Variants in SENP7 observed in about 807,000 individuals in gnomAD.
SENP7 encodes the protein sentrin-specific protease 7.
SENP7 carries 64 observed loss-of-function variants against 141.2 expected under a neutral mutation model. The observed-to-expected ratio is 0.45, with a 90% CI of 0.37 to 0.56. The LOEUF (loss-of-function observed/expected upper bound fraction) is 0.56, where lower values mean the gene tolerates loss of function less well. Among genes scored for constraint, SENP7 ranks in the 20% least tolerant of loss-of-function variants. SENP7 has a pLI of 0.00. For missense variants in SENP7, 1,025 were observed against 1,212.2 expected (o/e 0.85, Z 2.29); for synonymous variants, 382 against 426.4 (o/e 0.90, Z 1.28).
At chr3:101,362,333 A>G (rs940181576) in intron 10 of SENP7, among the ~76,000 whole-genome samples, 1 of 152,220 alleles carries the variant, frequency 6.6e-6, no homozygotes, top group Non-Finnish European at 1.5e-5. Context: ...TGGTTAAGCG[A>G]CCTGCCTAAA....
At chr3:101,412,618 G>A (rs554814672) in intron 5 of SENP7, among the ~76,000 whole-genome samples, 39 of 151,992 alleles carry the variant, frequency 2.6e-4, no homozygotes, top group Non-Finnish European at 5.2e-4. Context: ...CCAAGTACCA[G>A]CAGCTAACTC....
At chr3:101,366,898 T>A in intron 8 of SENP7, 129 bp from the exon 9 acceptor site, 1 of 595,256 alleles carries the variant, frequency 1.7e-6, no homozygotes, top group Non-Finnish European at 2.9e-6. Flanking sequence ...AACTAAACAA[T>A]TATACTACAT....
intron 20 of SENP7, 81 bp from the exon 21 acceptor site, chr3:101,328,770 C>T (rs1370798511): frequency 6.4e-6 from 7 of 1,096,846 alleles, no homozygotes; most frequent in Non-Finnish European, 8.0e-6. Flanking sequence ...TAAAGTGTTT[C>T]AAACTTTGAA....
At chr3:101,401,096 C>CAA (rs36081020) in intron 5 of SENP7, among the ~76,000 whole-genome samples, 205 of 130,370 alleles carry the variant, frequency 1.6e-3, no homozygotes, top group African/African-American at 5.5e-3. Flanking sequence ...GTCCTTGTCT[C>CAA]AAAAAAAAAA....
rs1319629331 is a variant in SENP7, at chr3:101,417,763, G to A, written c.312C>T (p.Val104=). ...ERQLKVMLTN[V]LWTDLGRKFR... is the part of the protein sequence containing the mutation. ...ATTTTCGTCCTAAATCCGTCCATAGGACATTCGTCAACATAACTTTGAGTT... is the reference window on the plus strand; with the variant it reads ...ATTTTCGTCCTAAATCCGTCCATAGAACATTCGTCAACATAACTTTGAGTT... The change falls in exon 5 of 24, where the codon GTC becomes GTT. Residue 104 remains valine (V), a synonymous_variant. Coordinates refer to ENST00000394095, the MANE Select transcript of SENP7 (RefSeq NM_020654.5). The A allele has an allele frequency of 1.9e-6, 3 of 1,613,674 alleles. No homozygotes were observed. Among genetic ancestry groups the A allele is most frequent in the Non-Finnish European group, 2.5e-6 (3 of 1,179,778 alleles).
intron 12 of SENP7, among the ~76,000 whole-genome samples, chr3:101,350,266 T>C (rs1253082012): frequency 2.6e-5 from 4 of 152,124 alleles, no homozygotes; most frequent in African/African-American, 4.8e-5. Flanking sequence ...ATTTCTTCTA[T>C]GTGAAAGAAA....
intron 6 of SENP7, among the ~76,000 whole-genome samples, chr3:101,379,523 A>C (rs1327776639): frequency 6.6e-6 from 1 of 152,202 alleles, no homozygotes; most frequent in Non-Finnish European, 1.5e-5. Context: ...CAGGCAAAGT[A>C]CTTGAATAAA....
At chr3:101,511,968 C>G (rs533803123) in intron 1 of SENP7, among the ~76,000 whole-genome samples, 24 of 152,196 alleles carry the variant, frequency 1.6e-4, no homozygotes, top group African/African-American at 5.8e-4. Context: ...TACAGGCGCC[C>G]GCCACCACGC....
intron 4 of SENP7, among the ~76,000 whole-genome samples, chr3:101,453,001 A>G (rs1184415540): frequency 2.0e-5 from 3 of 152,086 alleles, no homozygotes; most frequent in African/African-American, 2.4e-5. Context: ...TCTACAATAA[A>G]CTCAAACAAA....
intron 11 of SENP7, among the ~76,000 whole-genome samples, chr3:101,354,881 C>T (rs2059698949): frequency 1.3e-5 from 2 of 152,064 alleles, no homozygotes; most frequent in South Asian, 2.1e-4. Flanking sequence ...TCTGCAACCT[C>T]GTCAGCATGT....
At chr3:101,375,100 T>A (rs527620902) in intron 6 of SENP7, among the ~76,000 whole-genome samples, 13 of 151,908 alleles carry the variant, frequency 8.6e-5, no homozygotes, top group South Asian at 6.2e-4. Flanking sequence ...AAAAAAAAAT[T>A]TTTTTTTCAT....
intron 3 of SENP7, among the ~76,000 whole-genome samples, chr3:101,482,618 G>A (rs1334814085): frequency 6.6e-6 from 1 of 152,154 alleles, no homozygotes; most frequent in Non-Finnish European, 1.5e-5. Context: ...AATTTTTAAA[G>A]AGAAAAACAT....
chr3:101,339,691 C>G (rs913755241), intron 16 of SENP7, among the ~76,000 whole-genome samples: 5 of 151,840 alleles, frequency 3.3e-5, no homozygotes. Flanking sequence ...GGACTCCAGC[C>G]TGGGTGACAA....
At chr3:101,450,066 T>C (rs2063066215) in intron 4 of SENP7, among the ~76,000 whole-genome samples, 1 of 152,108 alleles carries the variant, frequency 6.6e-6, no homozygotes, top group African/African-American at 2.4e-5. Context: ...GCAATCCTAG[T>C]CTCGGATAAA....
At chr3:101,423,820 G>A (rs1042263642) in intron 4 of SENP7, among the ~76,000 whole-genome samples, 14 of 152,168 alleles carry the variant, frequency 9.2e-5, no homozygotes, top group East Asian at 1.9e-4. Flanking sequence ...AACTGGCAAG[G>A]GGCAATCCAC....
chr3:101,463,379 A>ATATATG (rs1553744707), intron 3 of SENP7, among the ~76,000 whole-genome samples: 23 of 79,406 alleles, frequency 2.9e-4, no homozygotes, highest in Admixed American at 1.0e-3. Context: ...ATATATATAT[A>ATATATG]TATATATATA....
chr3:101,444,317 T>G (rs1451156999), intron 4 of SENP7, among the ~76,000 whole-genome samples: 1 of 151,566 alleles, frequency 6.6e-6, no homozygotes, highest in Non-Finnish European at 1.5e-5. Flanking sequence ...GTTCAACCAC[T>G]GTGGAAGTCA....
chr3:101,494,873 A>G (rs1056585995), intron 2 of SENP7, among the ~76,000 whole-genome samples: 2 of 152,224 alleles, frequency 1.3e-5, no homozygotes, highest in African/African-American at 4.8e-5. Flanking sequence ...ACCATTCAGG[A>G]CATAGGCACA....
intron 6 of SENP7, among the ~76,000 whole-genome samples, chr3:101,389,014 A>G (rs1477434866): frequency 6.6e-6 from 1 of 152,202 alleles, no homozygotes; most frequent in Non-Finnish European, 1.5e-5. Flanking sequence ...AAATGACCAA[A>G]TATTCCATTT....
Sources: gnomAD v4.1 joint callset for allele counts (sites outside exome capture counted in the v4.1 genomes callset) on GRCh38, gnomAD v4.1.1 for gene constraint, MANE v1.5 for transcripts, NCBI Gene and HGNC (gene_info 2026-07-23, HGNC 2026-07-21) for gene names.